IQCH: variants seen among roughly 807,000 people sequenced by gnomAD.
The protein encoded by IQCH is IQ motif containing H, also known as IQ domain-containing protein H.
A neutral mutation model predicts 117.0 loss-of-function variants in IQCH; 98 were observed. That is an observed-to-expected ratio of 0.84 (90% CI 0.71 to 0.99). The LOEUF is 0.99. Ranked by LOEUF, IQCH falls within the 50% of genes least tolerant of loss-of-function variation. The probability of loss-of-function intolerance (pLI) is 0.00; values close to 1 mark genes in which losing one functional copy is unlikely to be tolerated. For synonymous variants in IQCH, 412 were observed against 448.2 expected (o/e 0.92, Z 1.02); for missense variants, 1,102 against 1,243.8 (o/e 0.89, Z 1.72).
Position 67,388,736 on chromosome 15 carries a change from CTTTAT to C in IQCH, c.1457-90_1457-86del. On this transcript the variant is annotated intron_variant, in intron 11 of 20. Coordinates refer to ENST00000335894, the MANE Select transcript of IQCH (RefSeq NM_001031715.3). The surrounding 1 kb of genome is among the most constrained non-coding windows in gnomAD (Gnocchi z 5.5). Reference sequence around the variant, plus strand: ...CCTTAACCTGGGTTTTGGATATGCTCTTTATTTTAAACTGCACAACACCAATCGGA... The same window carrying C: ...CCTTAACCTGGGTTTTGGATATGCTCTTTAAACTGCACAACACCAATCGGA... 1 of 1,102,748 alleles carries C rather than the reference CTTTAT, an allele frequency of 9.1e-7. No homozygotes were observed. The highest frequency in any genetic ancestry group is 1.3e-6 in the Non-Finnish European group (1 of 757,870). 68.3% of individuals were successfully genotyped at this position (1,102,748 alleles called of 1,614,324 possible). A position where few individuals can be genotyped will look rare whatever the true frequency, so the allele number is the denominator to read the frequency against.
rs757251124 is a variant in IQCH, at chr15:67,384,329, G to A, written c.1373-607G>A. 2.0e-5 allele frequency among the ~76,000 whole-genome samples: 3 copies of A among 152,130 alleles called. No homozygotes were observed. The highest frequency in any genetic ancestry group is 2.4e-5 in the African/African-American group (1 of 41,490). ...TCATATGTGTTTTCCCTTCTGCTAC[G>A]TTTCCAGTGGAAATGAAGGCAAACT... On this transcript the variant is annotated intron_variant, in intron 10 of 20. Transcript: ENST00000335894. This position sits in a 1 kb window ranked among gnomAD's most constrained non-coding sequence, Gnocchi z 4.3.
rs945376393 is a variant in IQCH at position 67,263,685 on chromosome 15, A to G, written c.269+469A>G. On this transcript the variant is annotated intron_variant, in intron 3 of 20. Transcript: ENST00000335894. The stretch of plus-strand genomic sequence containing the variant: ...TAAAGGAAACATTTTAATGCAAATC[A>G]GTTTTCACACTTTTAGATCACCTGG... Among the ~76,000 whole-genome samples the G allele has an allele frequency of 2.5e-3, 5 of 1,964 alleles. No homozygotes were observed. In the Non-Finnish European group the frequency reaches 0.035, roughly 14 times the overall value. The allele number at this position is 1,964 out of a possible 152,430, so 1.3% of individuals were successfully genotyped here. A position where few individuals can be genotyped will look rare whatever the true frequency, so the allele number is the denominator to read the frequency against.
In IQCH at chr15:67,410,895, C is replaced by T. The variant is rs1466971291; in HGVS notation, c.2098-6036C>T. On this transcript the variant is annotated intron_variant, in intron 14 of 20. Coordinates refer to ENST00000335894, the MANE Select transcript of IQCH (RefSeq NM_001031715.3). ...ATGGCAGTTACCAGCACAGATTCCA[C>T]TGCATCATGGCACACTGGTAGCAAT... Among the ~76,000 whole-genome samples, 3 of 152,278 alleles carry T rather than the reference C, an allele frequency of 2.0e-5. No homozygotes were observed. In the East Asian group the frequency reaches 5.8e-4, roughly 29 times the overall value.
In IQCH at chr15:67,356,540, C is replaced by T. The variant is rs1969894201; in HGVS notation, c.638-805C>T. 6.6e-6 allele frequency among the ~76,000 whole-genome samples: 1 copy of T among 152,248 alleles called. No individual in the cohort carries two copies. Among genetic ancestry groups the T allele is most frequent in the South Asian group, 2.1e-4 (1 of 4,830 alleles). The stretch of plus-strand genomic sequence containing the variant: ...TGTTTTTGATCAATATCTGTCAATT[C>T]CTTCTAAGATTGTTGTTATAGAAAA... On this transcript the variant is annotated intron_variant, in intron 6 of 20. Transcript: ENST00000335894. The surrounding 1 kb of genome is among the most constrained non-coding windows in gnomAD (Gnocchi z 5.3).
At chr15:67,285,347 T>G (rs1463126510) in intron 4 of IQCH, among the ~76,000 whole-genome samples, 2 of 152,084 alleles carry the variant, frequency 1.3e-5, no homozygotes, top group African/African-American at 4.8e-5. Context: ...GATGCATCCT[T>G]TGTCGGTTAC....
chr15:67,475,907 A>T lies in IQCH; in HGVS notation c.2799+89A>T. On this transcript the variant is annotated intron_variant, in intron 18 of 20. Transcript: ENST00000335894. This position sits in a 1 kb window ranked among gnomAD's most constrained non-coding sequence, Gnocchi z 5.7. The stretch of plus-strand genomic sequence containing the variant: ...AATAATTTGGTGCCCCTTCAGATAG[A>T]TATTCTTTAAATACCGGTTTGACGT... 8.6e-7 allele frequency: 1 copy of T among 1,164,604 alleles called. No individual in the cohort carries two copies. Among genetic ancestry groups the T allele is most frequent in the Non-Finnish European group, 1.3e-6 (1 of 798,278 alleles). The allele number at this position is 1,164,604 out of a possible 1,614,324, so 72.1% of individuals were successfully genotyped here.
intron 18 of IQCH, among the ~76,000 whole-genome samples, chr15:67,487,953 G>A (rs4776933): frequency 0.86 from 129,044 of 149,568 alleles, 55,640 homozygotes; most frequent in Middle Eastern, 0.9. Context: ...ATTTTCAAAG[G>A]AAAAAAAAAA....
intron 14 of IQCH, among the ~76,000 whole-genome samples, chr15:67,412,109 C>G (rs2081465277): frequency 6.6e-6 from 1 of 152,196 alleles, no homozygotes; most frequent in Non-Finnish European, 1.5e-5. Flanking sequence ...ATCAGCCCCA[C>G]AAAGCTAGCC....
At chr15:67,383,035 T>G (rs950946397) in intron 10 of IQCH, among the ~76,000 whole-genome samples, 1 of 152,248 alleles carries the variant, frequency 6.6e-6, no homozygotes, top group Non-Finnish European at 1.5e-5. Context: ...TCCCAACTTC[T>G]GCTCTGCTGA....
intron 6 of IQCH, among the ~76,000 whole-genome samples, chr15:67,348,646 A>G (rs1424987564): frequency 6.6e-6 from 1 of 152,238 alleles, no homozygotes; most frequent in Non-Finnish European, 1.5e-5. Flanking sequence ...AAGATTAGCC[A>G]TGTTCATAGA....
chr15:67,270,445 T>G (rs1965852373), intron 3 of IQCH, among the ~76,000 whole-genome samples: 1 of 152,212 alleles, frequency 6.6e-6, no homozygotes, highest in Non-Finnish European at 1.5e-5. Flanking sequence ...TACTGTGGTT[T>G]GTATGGCTCC....
In IQCH at chr15:67,413,524, C is replaced by T. The variant is rs1449845596; in HGVS notation, c.2098-3407C>T. 1.3e-5 allele frequency: 2 copies of T among 152,072 alleles called. No homozygotes were observed. The highest frequency in any genetic ancestry group is 2.9e-5 in the Non-Finnish European group (2 of 68,006). 9.4% of individuals were successfully genotyped at this position (152,072 alleles called of 1,614,324 possible). Reference sequence around the variant, plus strand: ...TTACTTGAATATATGAGCTGCAGGTCCTGCTGTATTTTTTTGGTTTGTTTT... The same window carrying T: ...TTACTTGAATATATGAGCTGCAGGTTCTGCTGTATTTTTTTGGTTTGTTTT... On this transcript the variant is annotated intron_variant, in intron 14 of 20. Coordinates refer to ENST00000335894, the MANE Select transcript of IQCH (RefSeq NM_001031715.3). The surrounding 1 kb of genome is among the most constrained non-coding windows in gnomAD (Gnocchi z 5.0).
chr15:67,383,125 TTA>T, intron 10 of IQCH, among the ~76,000 whole-genome samples: 1 of 152,128 alleles, frequency 6.6e-6, no homozygotes, highest in South Asian at 2.1e-4. Flanking sequence ...GTTGTTGTTG[TTA>T]TATGTTTTGG....
intron 8 of IQCH, among the ~76,000 whole-genome samples, chr15:67,362,730 C>T (rs1970188529): frequency 6.6e-6 from 1 of 152,190 alleles, no homozygotes; most frequent in African/African-American, 2.4e-5. Context: ...AGCAAAAGCT[C>T]CTAGCAATAG....
At chr15:67,297,536 G>C (rs1966860724) in intron 4 of IQCH, among the ~76,000 whole-genome samples, 1 of 152,036 alleles carries the variant, frequency 6.6e-6, no homozygotes, top group African/African-American at 2.4e-5. Flanking sequence ...CTGATTCAAT[G>C]GTTCAGCACC....
In IQCH at chr15:67,498,477, C is replaced by G. The variant is rs562314714; in HGVS notation, c.2971-2156C>G. On this transcript the variant is annotated intron_variant, in intron 20 of 20. Coordinates refer to ENST00000335894, the MANE Select transcript of IQCH (RefSeq NM_001031715.3). Reference sequence around the variant, plus strand: ...ACTAAAAATATAAAAATTACCCAGGCATGTGGCATGCACCTGTAATCCCAG... The same window carrying G: ...ACTAAAAATATAAAAATTACCCAGGGATGTGGCATGCACCTGTAATCCCAG... Among the ~76,000 whole-genome samples, 10 of 152,014 alleles carry G rather than the reference C, an allele frequency of 6.6e-5. No individual in the cohort carries two copies. In the South Asian group the frequency reaches 1.9e-3, roughly 28 times the overall value.
rs1469513768 is a variant in IQCH, at chr15:67,370,694, G to A, written c.754-1417G>A. On this transcript the variant is annotated intron_variant, in intron 8 of 20. Coordinates refer to ENST00000335894, the MANE Select transcript of IQCH (RefSeq NM_001031715.3). This position sits in a 1 kb window ranked among gnomAD's most constrained non-coding sequence, Gnocchi z 5.6. Reference sequence around the variant, plus strand: ...TTAGATCAGAAAGGGATAGAAGCTTGGAAGGAAGATTTTTTCCCTCATTTT... The same window carrying A: ...TTAGATCAGAAAGGGATAGAAGCTTAGAAGGAAGATTTTTTCCCTCATTTT... Among the ~76,000 whole-genome samples the A allele has an allele frequency of 6.6e-6, 1 of 152,154 alleles. No homozygotes were observed. The highest frequency in any genetic ancestry group is 1.5e-5 in the Non-Finnish European group (1 of 68,028).
chr15:67,261,870 G>A (rs962342199), intron 2 of IQCH, among the ~76,000 whole-genome samples: 5 of 152,188 alleles, frequency 3.3e-5, no homozygotes, highest in Non-Finnish European at 5.9e-5. Flanking sequence ...CAGGTCACTT[G>A]AGCCCAGGAG....
At position 67,381,716 on chromosome 15, in the gene IQCH, C is replaced by T. The variant is rs1194542879; in HGVS notation, c.1373-3220C>T. Reference sequence around the variant, plus strand: ...AAAAGACAGGCCGGACATGGTGGCTCATGCCTATAATACCAGCACTTTGGG... The same window carrying T: ...AAAAGACAGGCCGGACATGGTGGCTTATGCCTATAATACCAGCACTTTGGG... On this transcript the variant is annotated intron_variant, in intron 10 of 20. Coordinates refer to ENST00000335894, the MANE Select transcript of IQCH (RefSeq NM_001031715.3). The surrounding 1 kb of genome is among the most constrained non-coding windows in gnomAD (Gnocchi z 5.1). Among the ~76,000 whole-genome samples the T allele has an allele frequency of 6.6e-6, 1 of 152,176 alleles. No individual in the cohort carries two copies. Among genetic ancestry groups the T allele is most frequent in the Admixed American group, 6.5e-5 (1 of 15,272 alleles).
Sources: allele counts gnomAD v4.1 joint callset (sites outside exome capture counted in the v4.1 genomes callset), GRCh38; gene constraint gnomAD v4.1.1; non-coding constraint Gnocchi (gnomAD v3.1); transcripts MANE v1.5; gene names NCBI Gene and HGNC (gene_info 2026-07-23, HGNC 2026-07-21).